The following GPC6 variants were observed in gnomAD, a reference collection of about 807,000 sequenced individuals.
The protein encoded by GPC6 is glypican 6.
GPC6 carries 14 observed loss-of-function variants against 55.2 expected under a neutral mutation model. The ratio of observed to expected loss-of-function variants is 0.25; its 90% CI spans 0.17 to 0.40. The LOEUF is 0.40. GPC6 is among the 10% of genes least tolerant of loss of function. The probability of loss-of-function intolerance (pLI) is 1.00; values close to 1 mark genes in which losing one functional copy is unlikely to be tolerated. For missense variants in GPC6, 641 were observed against 708.5 expected, an observed-to-expected ratio of 0.90 and a Z score of 1.08; for synonymous variants, 278 against 259.6, an observed-to-expected ratio of 1.07 and a Z score of -0.68.
rs201141414 is a variant in GPC6 at position 94,081,844 on chromosome 13, C to CTTTTTTTT, written c.877+53957_877+53964dup. Among the ~76,000 whole-genome samples the CTTTTTTTT allele has an allele frequency of 4.8e-4, 64 of 133,000 alleles. 1 individual carries two copies. Among genetic ancestry groups the CTTTTTTTT allele is most frequent in the African/African-American group, 1.7e-3 (61 of 35,546 alleles). The allele number at this position is 133,000 out of a possible 152,430, so 87.3% of individuals were successfully genotyped here. On this transcript the variant is annotated intron_variant, in intron 4 of 8. Transcript: ENST00000377047. ...CATGTCTATGCCTTCTACTACTTTC[C>CTTTTTTTT]TTTTTTTTTTTTTTGAGACACAGTC...
At chr13:93,522,211 G>A (rs939178818) in intron 1 of GPC6, among the ~76,000 whole-genome samples, 3 of 151,866 alleles carry the variant, frequency 2.0e-5, no homozygotes, top group Non-Finnish European at 4.4e-5. Context: ...CAACTCTGTT[G>A]GTTAGAGATA....
At chr13:94,027,339 C>T (rs528152993) in intron 3 of GPC6, among the ~76,000 whole-genome samples, 6 of 152,254 alleles carry the variant, frequency 3.9e-5, no homozygotes, top group African/African-American at 1.2e-4. Flanking sequence ...ATCTGCCAAC[C>T]TCCTTTAGAA....
intron 4 of GPC6, among the ~76,000 whole-genome samples, chr13:94,235,328 A>G (rs1303343303): frequency 6.6e-6 from 1 of 152,166 alleles, no homozygotes; most frequent in Non-Finnish European, 1.5e-5. Context: ...ACAGTTCAAC[A>G]GGACATTTCA....
At chr13:93,875,155 C>T (rs571851974) in intron 3 of GPC6, among the ~76,000 whole-genome samples, 1 of 152,086 alleles carries the variant, frequency 6.6e-6, no homozygotes, top group East Asian at 2.0e-4. Flanking sequence ...TTGGTGAAGG[C>T]CCCTCAAGTA....
chr13:93,659,739 T>G (rs1880841845), intron 2 of GPC6, among the ~76,000 whole-genome samples: 2 of 152,010 alleles, frequency 1.3e-5, no homozygotes, highest in Admixed American at 1.3e-4. Context: ...TTAAGTAATT[T>G]GACCATGGTC....
In GPC6 at chr13:94,044,441, G is replaced by A. The variant is rs117069152; in HGVS notation, c.877+16547G>A. On this transcript the variant is annotated intron_variant, in intron 4 of 8. Coordinates refer to ENST00000377047, the MANE Select transcript of GPC6 (RefSeq NM_005708.5). ...AAAAATTGCAGCCTCAGGCATAAAT[G>A]GGTTAATTGTAGAAGTTATTCCAGA... Among the ~76,000 whole-genome samples, 184 of 151,912 alleles carry A rather than the reference G, an allele frequency of 1.2e-3. 1 individual carries two copies. Among genetic ancestry groups the A allele is most frequent in the Non-Finnish European group, 1.1e-3 (76 of 67,856 alleles).
At chr13:93,715,555 C>T (rs1671178544) in intron 2 of GPC6, among the ~76,000 whole-genome samples, 1 of 151,558 alleles carries the variant, frequency 6.6e-6, no homozygotes, top group African/African-American at 2.4e-5. Flanking sequence ...ATTCATACCC[C>T]AAACTTCAGC....
intron 2 of GPC6, among the ~76,000 whole-genome samples, chr13:93,676,734 C>A (rs1378891604): frequency 1.3e-5 from 2 of 152,126 alleles, no homozygotes; most frequent in Non-Finnish European, 2.9e-5. Flanking sequence ...CAAAAATCTA[C>A]CTGCTCTCTG....
the GPC6 span, among the ~76,000 whole-genome samples, chr13:93,219,040 T>C: frequency 8.0e-5 from 1 of 12,526 alleles, no homozygotes; most frequent in Admixed American, 2.2e-3. Context: ...TAGAATGGTA[T>C]ATTAATATCA....
intron 4 of GPC6, among the ~76,000 whole-genome samples, chr13:94,192,383 A>G (rs756436430): frequency 1.3e-4 from 20 of 152,230 alleles, no homozygotes; most frequent in Non-Finnish European, 2.6e-4. Context: ...AATCCATAAT[A>G]GCCCAGAGTG....
intron 2 of GPC6, among the ~76,000 whole-genome samples, chr13:93,827,540 G>A (rs761909788): frequency 9.2e-5 from 14 of 152,132 alleles, no homozygotes; most frequent in Non-Finnish European, 1.6e-4. Flanking sequence ...TGATACATTA[G>A]CGTCTTTCAA....
At chr13:93,982,960 T>C (rs542644690) in intron 3 of GPC6, among the ~76,000 whole-genome samples, 2 of 152,348 alleles carry the variant, frequency 1.3e-5, no homozygotes, top group African/African-American at 2.4e-5. Flanking sequence ...GTGTCAGCTC[T>C]AGGTGCTCTC....
intron 1 of GPC6, among the ~76,000 whole-genome samples, chr13:93,238,850 T>C (rs781019573): frequency 6.6e-6 from 1 of 152,172 alleles, no homozygotes; most frequent in Non-Finnish European, 1.5e-5. Context: ...AAAATGACCA[T>C]ATAGCTTTTG....
intron 1 of GPC6, among the ~76,000 whole-genome samples, chr13:93,228,118 TC>T (rs957790719): frequency 3.6e-4 from 55 of 152,058 alleles, no homozygotes; most frequent in South Asian, 3.3e-3. Flanking sequence ...AGCCCCTCTC[TC>T]CCCTATCCGT....
intron 3 of GPC6, among the ~76,000 whole-genome samples, chr13:93,914,628 C>T (rs1372548673): frequency 1.3e-5 from 2 of 152,158 alleles, no homozygotes; most frequent in African/African-American, 4.8e-5. Flanking sequence ...TATTAGAATG[C>T]CATTTTATAA....
chr13:93,302,632 A>G (rs1254065460), intron 1 of GPC6, among the ~76,000 whole-genome samples: 1 of 152,206 alleles, frequency 6.6e-6, no homozygotes, highest in East Asian at 1.9e-4. Context: ...TACATGATTG[A>G]ATGGAATTTC....
intron 3 of GPC6, among the ~76,000 whole-genome samples, chr13:93,851,399 G>T (rs1418575050): frequency 6.6e-6 from 1 of 151,904 alleles, no homozygotes; most frequent in Non-Finnish European, 1.5e-5. Flanking sequence ...TGATTGGCAT[G>T]TGTATCCTAA....
At chr13:94,038,071 T>G (rs2138735372) in intron 4 of GPC6, among the ~76,000 whole-genome samples, 1 of 152,050 alleles carries the variant, frequency 6.6e-6, no homozygotes, top group East Asian at 1.9e-4. Context: ...AATTTTTTAT[T>G]TACTTATTTT....
intron 4 of GPC6, among the ~76,000 whole-genome samples, chr13:94,155,327 C>G (rs1887895853): frequency 2.0e-5 from 3 of 152,152 alleles, no homozygotes; most frequent in Admixed American, 6.6e-5. Context: ...GGATTCTGCT[C>G]TCTCCTACAC....
Sources: gnomAD v4.1 joint callset for allele counts (sites outside exome capture counted in the v4.1 genomes callset) on GRCh38, gnomAD v4.1.1 for gene constraint, MANE v1.5 for transcripts, NCBI Gene and HGNC (gene_info 2026-07-23, HGNC 2026-07-21) for gene names.